Variants in CSMD1 observed in about 807,000 individuals in gnomAD.
The protein encoded by CSMD1 is CUB and sushi domain-containing protein 1.
CSMD1 carries 213 observed loss-of-function variants against 417.5 expected under a neutral mutation model. That is an observed-to-expected ratio of 0.51 (90% confidence interval 0.46 to 0.57). CSMD1 has a LOEUF of 0.57. Ranked by LOEUF, CSMD1 falls within the 20% of genes least tolerant of loss-of-function variation. The pLI, the probability that CSMD1 is intolerant of heterozygous loss-of-function variation, is 0.00. For missense variants in CSMD1, 6,923 were observed against 4,529.7 expected, an observed-to-expected ratio of 1.53 and a Z score of -15.17; for synonymous variants, 2,862 against 1,736.8, an observed-to-expected ratio of 1.65 and a Z score of -16.11.
chr8:3,279,455 G>A (rs1378786950), intron 26 of CSMD1, among the ~76,000 whole-genome samples: 2 of 152,126 alleles, frequency 1.3e-5, no homozygotes, highest in Non-Finnish European at 2.9e-5. Flanking sequence ...TACACTCACA[G>A]GCATTTCATA....
At chr8:3,457,504 A>G (rs1456385613) in intron 12 of CSMD1, among the ~76,000 whole-genome samples, 1 of 152,232 alleles carries the variant, frequency 6.6e-6, no homozygotes, top group Non-Finnish European at 1.5e-5. Flanking sequence ...ATTGGAGCTG[A>G]GTCATCAAAA....
intron 15 of CSMD1, among the ~76,000 whole-genome samples, chr8:3,403,176 T>C (rs969894377): frequency 1.3e-5 from 2 of 152,234 alleles, no homozygotes; most frequent in African/African-American, 2.4e-5. Flanking sequence ...AGTTATATAA[T>C]TGATTTAAAC....
intron 3 of CSMD1, among the ~76,000 whole-genome samples, chr8:4,080,115 T>C (rs1800050483): frequency 6.6e-6 from 1 of 152,086 alleles, no homozygotes; most frequent in African/African-American, 2.4e-5. Context: ...TCGTTCCATG[T>C]ATACACCCCC....
chr8:4,731,660 A>C (rs2116958923), intron 1 of CSMD1, among the ~76,000 whole-genome samples: 1 of 152,300 alleles, frequency 6.6e-6, no homozygotes, highest in South Asian at 2.1e-4. Context: ...ACTTTGCATG[A>C]GTATCATTTG....
intron 7 of CSMD1, among the ~76,000 whole-genome samples, chr8:3,625,109 G>T (rs10503213): frequency 6.6e-6 from 1 of 151,224 alleles, no homozygotes; most frequent in Admixed American, 6.6e-5. Context: ...CAGAATATTT[G>T]TACAGTCTCT....
At chr8:3,534,928 G>C (rs11782998) in intron 10 of CSMD1, among the ~76,000 whole-genome samples, 49,682 of 151,888 alleles carry the variant, frequency 0.33, 8,450 homozygotes, top group East Asian at 0.53. Flanking sequence ...GATAGCCAGG[G>C]TTACTGTAAG....
At chr8:2,969,417 A>G (rs1044996012) in intron 57 of CSMD1, among the ~76,000 whole-genome samples, 1 of 152,220 alleles carries the variant, frequency 6.6e-6, no homozygotes, top group African/African-American at 2.4e-5. Flanking sequence ...CCTATGATTA[A>G]AAGACTAGAT....
chr8:3,639,363 G>A (rs982244124), intron 7 of CSMD1, among the ~76,000 whole-genome samples: 2 of 152,194 alleles, frequency 1.3e-5, no homozygotes, highest in African/African-American at 4.8e-5. Context: ...GAAAAAGAGA[G>A]AATGAAAGTG....
chr8:3,125,657 G>C (rs187310269), intron 41 of CSMD1, among the ~76,000 whole-genome samples: 3 of 152,280 alleles, frequency 2.0e-5, no homozygotes, highest in East Asian at 1.9e-4. Flanking sequence ...AGTTCTATAA[G>C]AGTTGTTGTA....
intron 23 of CSMD1, among the ~76,000 whole-genome samples, chr8:3,332,673 G>A (rs551526495): frequency 2.6e-4 from 39 of 151,956 alleles, no homozygotes; most frequent in South Asian, 6.2e-4. Context: ...GTGGGAGTGC[G>A]TGCATGTGTG....
In CSMD1 at chr8:3,172,202, CTTT is replaced by C; in HGVS notation, c.5725+8905_5725+8907del. 2.0e-5 allele frequency among the ~76,000 whole-genome samples: 3 copies of C among 152,252 alleles called. No individual in the cohort carries two copies. The Middle Eastern group carries it at 0.01, about 518-fold the overall frequency. On this transcript the variant is annotated intron_variant, in intron 37 of 69. Transcript: ENST00000635120. ...TTTTTCAACCTTCTTTCCTTTTCTTCTTTGTCTTCCTTTTCTGACTGCTCACAG... is the reference window on the plus strand; with the variant it reads ...TTTTTCAACCTTCTTTCCTTTTCTTCGTCTTCCTTTTCTGACTGCTCACAG...
intron 44 of CSMD1, among the ~76,000 whole-genome samples, 156 bp downstream of exon 44, chr8:3,108,447 A>T (rs1816288849): frequency 6.6e-6 from 1 of 152,222 alleles, no homozygotes; most frequent in South Asian, 2.1e-4. Context: ...TAAACAAAAA[A>T]AGGACCACAG....
chr8:3,708,237 T>C (rs1801290108), intron 7 of CSMD1, among the ~76,000 whole-genome samples, 177 bp downstream of exon 7: 1 of 152,140 alleles, frequency 6.6e-6, no homozygotes, highest in Non-Finnish European at 1.5e-5. Context: ...ACGACATTCC[T>C]CCGTAACAAA....
At chr8:4,165,242 G>A (rs1489575851) in intron 3 of CSMD1, among the ~76,000 whole-genome samples, 2 of 152,180 alleles carry the variant, frequency 1.3e-5, no homozygotes, top group Non-Finnish European at 2.9e-5. Context: ...CTTTTCAAAA[G>A]GACATGGAGG....
intron 36 of CSMD1, among the ~76,000 whole-genome samples, chr8:3,187,400 C>G (rs1024759764): frequency 2.6e-5 from 4 of 152,090 alleles, no homozygotes; most frequent in Non-Finnish European, 5.9e-5. Context: ...GCAAGGAAGA[C>G]TAAGAGAGGG....
intron 3 of CSMD1, among the ~76,000 whole-genome samples, chr8:4,159,135 T>TG (rs1285922046): frequency 2.0e-5 from 3 of 152,090 alleles, no homozygotes; most frequent in Non-Finnish European, 1.5e-5. Context: ...AGGCTGGTCT[T>TG]GAACTCCCAA....
chr8:4,119,876 A>G (rs943396527), intron 3 of CSMD1, among the ~76,000 whole-genome samples: 11 of 152,254 alleles, frequency 7.2e-5, no homozygotes, highest in African/African-American at 2.4e-4. Context: ...AGGGTTCGAC[A>G]AAGTACAGGA....
At position 3,135,110 on chromosome 8, in the gene CSMD1, C is replaced by G. The variant is rs368409776; in HGVS notation, c.6241+7355G>C. Among the ~76,000 whole-genome samples the G allele has an allele frequency of 1.7e-4, 26 of 152,184 alleles. 1 individual carries two copies. The South Asian group carries it at 5.4e-3, about 32-fold the overall frequency. On this transcript the variant is annotated intron_variant, in intron 41 of 69. Coordinates refer to ENST00000635120, the MANE Select transcript of CSMD1 (RefSeq NM_033225.6). Reference sequence around the variant, plus strand: ...AGCTAATTTTTTGTAGAGACAGGGTCTCACCATGTTACCCAGGCTGGTCTT... The same window carrying G: ...AGCTAATTTTTTGTAGAGACAGGGTGTCACCATGTTACCCAGGCTGGTCTT...
intron 1 of CSMD1, among the ~76,000 whole-genome samples, chr8:4,685,113 A>T (rs1383285719): frequency 6.6e-6 from 1 of 152,244 alleles, no homozygotes; most frequent in Non-Finnish European, 1.5e-5. Flanking sequence ...TATTATGAAG[A>T]TTCAACTCAT....
Sources: gnomAD v4.1 joint callset for allele counts (sites outside exome capture counted in the v4.1 genomes callset) on GRCh38, gnomAD v4.1.1 for gene constraint, MANE v1.5 for transcripts, NCBI Gene and HGNC (gene_info 2026-07-23, HGNC 2026-07-21) for gene names.